The following SAMD12 variants were observed in gnomAD, a reference collection of about 807,000 sequenced individuals.
SAMD12 encodes sterile alpha motif domain containing 12.
SAMD12 carries 9 observed loss-of-function variants against 15.0 expected under a neutral mutation model. That is an observed-to-expected ratio of 0.60 (90% confidence interval 0.36 to 1.05). The LOEUF (loss-of-function observed/expected upper bound fraction) is 1.05, where lower values mean the gene tolerates loss of function less well. SAMD12 is among the 50% of genes least tolerant of loss of function. The pLI is 0.01. For missense variants in SAMD12, 230 were observed against 234.2 expected, an observed-to-expected ratio of 0.98 and a Z score of 0.12; for synonymous variants, 86 against 90.1, an observed-to-expected ratio of 0.96 and a Z score of 0.25.
chr8:118,430,325 G>A (rs891203462), intron 3 of SAMD12, among the ~76,000 whole-genome samples: 8 of 149,940 alleles, frequency 5.3e-5, no homozygotes, highest in Admixed American at 5.3e-4. Context: ...GTTTAGAATT[G>A]TTACGTCTTC....
chr8:118,613,438 T>G (rs781774977), intron 1 of SAMD12, among the ~76,000 whole-genome samples: 1 of 152,238 alleles, frequency 6.6e-6, no homozygotes, highest in African/African-American at 2.4e-5. Context: ...ATTTTTTATT[T>G]GTTATATAAC....
At chr8:118,507,481 A>G (rs1824953138) in intron 2 of SAMD12, among the ~76,000 whole-genome samples, 1 of 152,042 alleles carries the variant, frequency 6.6e-6, no homozygotes, top group African/African-American at 2.4e-5. Context: ...CTCACTCCCT[A>G]TTATTCTTAT....
chr8:118,335,546 C>T (rs916719222), intron 4 of SAMD12, among the ~76,000 whole-genome samples: 2 of 152,180 alleles, frequency 1.3e-5, no homozygotes, highest in African/African-American at 4.8e-5. Flanking sequence ...CCCCTTTTAT[C>T]TTGCTATTCT....
At chr8:118,158,315 A>G in the SAMD12 span, among the ~76,000 whole-genome samples, 4 of 152,372 alleles carry the variant, frequency 2.6e-5, no homozygotes, top group South Asian at 2.1e-4. Context: ...CAGCAAGAAC[A>G]GAAAATAGTA....
intron 4 of SAMD12, among the ~76,000 whole-genome samples, chr8:118,287,375 T>TC (rs199952338): frequency 0.081 from 12,300 of 152,118 alleles, 873 homozygotes; most frequent in East Asian, 0.33. Flanking sequence ...TCCGCCCGCC[T>TC]CGGCCTCCCA....
chr8:118,513,243 A>G (rs79708922), intron 2 of SAMD12, among the ~76,000 whole-genome samples: 7,617 of 152,268 alleles, frequency 0.05, 580 homozygotes, highest in African/African-American at 0.17. Flanking sequence ...ACTAGCCTAA[A>G]AGAGATTTGA....
At chr8:118,202,041 T>C (rs1337785299) in intron 4 of SAMD12, among the ~76,000 whole-genome samples, 1 of 152,156 alleles carries the variant, frequency 6.6e-6, no homozygotes, top group Non-Finnish European at 1.5e-5. Context: ...CTATGTGATG[T>C]TGAACACATG....
At chr8:118,272,451 A>G (rs955778147) in intron 4 of SAMD12, among the ~76,000 whole-genome samples, 25 of 152,304 alleles carry the variant, frequency 1.6e-4, no homozygotes, top group Middle Eastern at 3.4e-3. Context: ...TCTCTGACTT[A>G]CCCTGGAGAC....
At chr8:118,205,859 C>T (rs2514953) in intron 4 of SAMD12, among the ~76,000 whole-genome samples, 1 of 151,924 alleles carries the variant, frequency 6.6e-6, no homozygotes, top group Non-Finnish European at 1.5e-5. Context: ...ACATTGAGAA[C>T]GTGAGAGAAA....
At chr8:118,284,132 T>A (rs537747888) in intron 4 of SAMD12, 7 of 370,360 alleles carry the variant, frequency 1.9e-5, no homozygotes, top group Non-Finnish European at 2.6e-5. Flanking sequence ...TGCCCTTCCA[T>A]GTATATTCTT....
Position 118,379,312 on chromosome 8 carries a change from A to G in SAMD12, c.*105T>C. On this transcript the variant is annotated 3_prime_UTR_variant, in exon 4 of 4. Transcript: ENST00000314727. ...TACACAATCCATACAACTGTACGTG[A>G]CCACCTTGAAGTTAGCTCAGGTAAT... 2 of 1,490,086 alleles carry G rather than the reference A, an allele frequency of 1.3e-6. No individual in the cohort carries two copies. The highest frequency in any genetic ancestry group is 2.2e-5 in the Admixed American group (1 of 46,172). The allele number at this position is 1,490,086 out of a possible 1,614,324, so 92.3% of individuals were successfully genotyped here.
intron 3 of SAMD12, among the ~76,000 whole-genome samples, chr8:118,427,005 G>A (rs1388405378): frequency 1.3e-5 from 2 of 152,272 alleles, no homozygotes; most frequent in East Asian, 3.9e-4. Context: ...AGAATCTCAA[G>A]GAGAAGAGAA....
At chr8:118,236,829 C>T (rs912780255) in intron 4 of SAMD12, among the ~76,000 whole-genome samples, 18 of 152,174 alleles carry the variant, frequency 1.2e-4, no homozygotes, top group African/African-American at 3.9e-4. Flanking sequence ...AACAGAAACT[C>T]GCAGCACGGC....
intron 4 of SAMD12, among the ~76,000 whole-genome samples, chr8:118,241,393 C>T (rs1311919193): frequency 2.0e-5 from 3 of 152,074 alleles, no homozygotes; most frequent in Non-Finnish European, 2.9e-5. Context: ...AGATGAGTTG[C>T]CTTTTAGCAC....
intron 2 of SAMD12, among the ~76,000 whole-genome samples, chr8:118,537,709 G>C (rs1313281606): frequency 6.6e-6 from 1 of 152,170 alleles, no homozygotes; most frequent in African/African-American, 2.4e-5. Context: ...ATATGGCTGA[G>C]TTTCCTCAAC....
At chr8:118,530,354 A>C (rs932000992) in intron 2 of SAMD12, among the ~76,000 whole-genome samples, 2 of 152,046 alleles carry the variant, frequency 1.3e-5, no homozygotes, top group African/African-American at 4.8e-5. Context: ...TAGTTTTTAA[A>C]TCCTCACACT....
chr8:118,268,405 T>C (rs73320206), intron 4 of SAMD12, among the ~76,000 whole-genome samples: 7,207 of 152,310 alleles, frequency 0.047, 421 homozygotes, highest in East Asian at 0.13. Context: ...TGCATGACTA[T>C]TGTTTTTCTG....
At chr8:118,197,234 C>T (rs940350727) in exon 5 of SAMD12, 16 of 171,496 alleles carry the variant, frequency 9.3e-5, no homozygotes, top group South Asian at 4.5e-4. Flanking sequence ...CTAACATAAT[C>T]GAGACGTGTT....
Position 118,486,259 on chromosome 8 carries a change from C to CA in SAMD12, c.193-46299dup, listed in dbSNP as rs915173824. On this transcript the variant is annotated intron_variant, in intron 2 of 3. Coordinates refer to ENST00000314727, the MANE Select transcript of SAMD12 (RefSeq NM_207506.3). ...GAAACTCCGTCTCTACTAAAAAATA[C>CA]AAAAAAATTAGTCGGGTGTAGTGGT... 1.1e-4 allele frequency among the ~76,000 whole-genome samples: 16 copies of CA among 151,730 alleles called. No homozygotes were observed. In the East Asian group the frequency reaches 1.2e-3, roughly 11 times the overall value.
Sources: gnomAD v4.1 joint callset for allele counts (sites outside exome capture counted in the v4.1 genomes callset) on GRCh38, gnomAD v4.1.1 for gene constraint, MANE v1.5 for transcripts, NCBI Gene and HGNC (gene_info 2026-07-23, HGNC 2026-07-21) for gene names.